Variants in CYTH3 observed in about 807,000 individuals in gnomAD.
CYTH3 encodes the protein cytohesin 3.
Under a neutral mutation model 55.1 loss-of-function variants are expected in CYTH3, and 23 were observed. The observed-to-expected ratio is 0.42, with a 90% confidence interval of 0.30 to 0.59. CYTH3 has a LOEUF of 0.59. Ranked by LOEUF, CYTH3 falls within the 20% of genes least tolerant of loss-of-function variation. The pLI, the probability that CYTH3 is intolerant of heterozygous loss-of-function variation, is 0.20. For synonymous variants in CYTH3, 249 were observed against 194.9 expected, an observed-to-expected ratio of 1.28 and a Z score of -2.31; for missense variants, 413 against 524.8, an observed-to-expected ratio of 0.79 and a Z score of 2.08.
chr7:6,236,211 AT>A (rs796451568), intron 1 of CYTH3, among the ~76,000 whole-genome samples: 1 of 151,096 alleles, frequency 6.6e-6, no homozygotes, highest in Non-Finnish European at 1.5e-5. Context: ...CCCCCCCCTT[AT>A]TTTTTTTGTG....
rs570966216 is a variant in CYTH3 at position 6,223,268 on chromosome 7, C to T, written c.35-32737G>A. Among the ~76,000 whole-genome samples, 10 of 152,070 alleles carry T rather than the reference C, an allele frequency of 6.6e-5. No individual in the cohort carries two copies. The South Asian group carries it at 2.1e-3, about 32-fold the overall frequency. On this transcript the variant is annotated intron_variant, in intron 1 of 12. Coordinates refer to ENST00000350796, the MANE Select transcript of CYTH3 (RefSeq NM_004227.4). ...GAGGAGCGCCTGTGCCAGGCCGCCC[C>T]GTCTGGGAAGTGAGGAGCGCCTCTG...
chr7:6,218,129 G>C (rs747876452), intron 1 of CYTH3, among the ~76,000 whole-genome samples: 1 of 151,236 alleles, frequency 6.6e-6, no homozygotes, highest in South Asian at 2.1e-4. Flanking sequence ...GCAGTGAGCC[G>C]AGATCACACC....
intron 1 of CYTH3, among the ~76,000 whole-genome samples, chr7:6,262,841 C>T (rs1780385406): frequency 6.6e-6 from 1 of 152,146 alleles, no homozygotes; most frequent in Non-Finnish European, 1.5e-5. Flanking sequence ...ACTGCTTGAG[C>T]CCAGGAGTTC....
chr7:6,215,338 C>G (rs901805303), intron 1 of CYTH3, among the ~76,000 whole-genome samples: 1 of 152,154 alleles, frequency 6.6e-6, no homozygotes, highest in South Asian at 2.1e-4. Context: ...CGCCTGTAAT[C>G]CCAGAACTTT....
At position 6,171,396 on chromosome 7, in the gene CYTH3, G is replaced by A. The variant is rs761442701; in HGVS notation, c.450-82C>T. 4.4e-6 allele frequency: 6 copies of A among 1,364,088 alleles called. No homozygotes were observed. The highest frequency in any genetic ancestry group is 6.2e-6 in the Non-Finnish European group (6 of 966,154). The allele number at this position is 1,364,088 out of a possible 1,614,324, so 84.5% of individuals were successfully genotyped here. A position where few individuals can be genotyped will look rare whatever the true frequency, so the allele number is the denominator to read the frequency against. On this transcript the variant is annotated intron_variant, in intron 6 of 12. Coordinates refer to ENST00000350796, the MANE Select transcript of CYTH3 (RefSeq NM_004227.4). The surrounding 1 kb of genome is among the most constrained non-coding windows in gnomAD (Gnocchi z 6.7). ...CAAGGGCGGCTTCTGCCCAGCTCAG[G>A]AAGGACGTTTTCCTCCCGAGCCTGG...
At chr7:6,256,465 C>G (rs1780108743) in intron 1 of CYTH3, among the ~76,000 whole-genome samples, 1 of 152,176 alleles carries the variant, frequency 6.6e-6, no homozygotes, top group African/African-American at 2.4e-5. Context: ...CAGAACTTAA[C>G]AAGACTTCTG....
chr7:6,227,581 G>T (rs997309948), intron 1 of CYTH3, among the ~76,000 whole-genome samples: 19 of 152,172 alleles, frequency 1.2e-4, no homozygotes, highest in African/African-American at 4.6e-4. Flanking sequence ...AAACGAGGAT[G>T]CCACTATCAG....
intron 1 of CYTH3, among the ~76,000 whole-genome samples, chr7:6,203,355 TCTGA>T (rs1214415674): frequency 6.6e-6 from 1 of 152,194 alleles, no homozygotes; most frequent in Non-Finnish European, 1.5e-5. Flanking sequence ...TAGCTGTGAA[TCTGA>T]CTATTGCTAG....
In CYTH3 at chr7:6,169,186, G is replaced by T. The variant is rs1247203812; in HGVS notation, c.823+1349C>A. On this transcript the variant is annotated intron_variant, in intron 9 of 12. Transcript: ENST00000350796. The surrounding 1 kb of genome is among the most constrained non-coding windows in gnomAD (Gnocchi z 4.1). ...ACTCACACCCTTTCCACCAGCTGAG[G>T]AGGCCTGTGCCCGTCACACCGTGTC... is the stretch of plus-strand genomic sequence containing the variant. Among the ~76,000 whole-genome samples, 2 of 151,146 alleles carry T rather than the reference G, an allele frequency of 1.3e-5. No homozygotes were observed. Among genetic ancestry groups the T allele is most frequent in the Non-Finnish European group, 2.9e-5 (2 of 68,032 alleles).
Position 6,272,544 on chromosome 7 carries a change from G to A in CYTH3, c.-37C>T. The A allele has an allele frequency of 1.5e-6, 2 of 1,296,900 alleles. No homozygotes were observed. The highest frequency in any genetic ancestry group is 1.8e-5 in the South Asian group (1 of 57,138). The allele number at this position is 1,296,900 out of a possible 1,614,324, so 80.3% of individuals were successfully genotyped here. On this transcript the variant is annotated 5_prime_UTR_variant, in exon 1 of 13. Coordinates refer to ENST00000350796, the MANE Select transcript of CYTH3 (RefSeq NM_004227.4). ...TCCCGCAGCCGGCGAGCCGGGGGCCGGCAGCAGAGGGGCCGCGGGCTGGGG... is the reference window on the plus strand; with the variant it reads ...TCCCGCAGCCGGCGAGCCGGGGGCCAGCAGCAGAGGGGCCGCGGGCTGGGG...
intron 1 of CYTH3, among the ~76,000 whole-genome samples, chr7:6,220,220 G>A (rs369551618): frequency 5.9e-5 from 9 of 152,068 alleles, no homozygotes; most frequent in South Asian, 2.1e-4. Context: ...TTTGACAAAG[G>A]TGTAAAAGCG....
chr7:6,243,404 G>T (rs1779722938), intron 1 of CYTH3, among the ~76,000 whole-genome samples: 1 of 152,192 alleles, frequency 6.6e-6, no homozygotes, highest in Non-Finnish European at 1.5e-5. Context: ...TCAAAGCATG[G>T]GTGGGATGGG....
At chr7:6,181,595 A>G (rs115556106) in intron 4 of CYTH3, among the ~76,000 whole-genome samples, 1,721 of 152,312 alleles carry the variant, frequency 0.011, 38 homozygotes, top group African/African-American at 0.039. Flanking sequence ...GTCTATGTGT[A>G]TAAGTCTTTT....
intron 1 of CYTH3, among the ~76,000 whole-genome samples, chr7:6,215,259 T>G (rs543049338): frequency 6.6e-6 from 1 of 152,186 alleles, no homozygotes; most frequent in Non-Finnish European, 1.5e-5. Flanking sequence ...TCAGGGGCAC[T>G]TGATAGTCCC....
rs532556307 is a variant in CYTH3, at chr7:6,237,526, G to A, written c.34+34948C>T. ...AGTTTGAGACCAGTCTGACCAACATGGTGAAACCCCGTCTCTACGAAAAAT... is the reference window on the plus strand; with the variant it reads ...AGTTTGAGACCAGTCTGACCAACATAGTGAAACCCCGTCTCTACGAAAAAT... On this transcript the variant is annotated intron_variant, in intron 1 of 12. Coordinates refer to ENST00000350796, the MANE Select transcript of CYTH3 (RefSeq NM_004227.4). 7.2e-5 allele frequency among the ~76,000 whole-genome samples: 11 copies of A among 152,160 alleles called. 1 individual carries two copies. Among genetic ancestry groups the A allele is most frequent in the East Asian group, 1.9e-4 (1 of 5,180 alleles).
At chr7:6,231,351 A>G (rs2128553625) in intron 1 of CYTH3, among the ~76,000 whole-genome samples, 1 of 152,340 alleles carries the variant, frequency 6.6e-6, no homozygotes, top group African/African-American at 2.4e-5. Flanking sequence ...CTCCTGGGCA[A>G]AGGAAACAGA....
intron 1 of CYTH3, among the ~76,000 whole-genome samples, chr7:6,238,129 A>G (rs1247368467): frequency 6.6e-6 from 1 of 152,250 alleles, no homozygotes; most frequent in Non-Finnish European, 1.5e-5. Flanking sequence ...AAATCCAGGA[A>G]AATGACCACA....
At chr7:6,249,649 T>C (rs1305607836) in intron 1 of CYTH3, among the ~76,000 whole-genome samples, 1 of 152,236 alleles carries the variant, frequency 6.6e-6, no homozygotes, top group East Asian at 1.9e-4. Context: ...TTCCCATTTG[T>C]AGTTTCCTTC....
chr7:6,162,457 C>A lies in CYTH3; in HGVS notation c.*2487G>T, dbSNP rs896724171. 6.7e-6 allele frequency: 1 copy of A among 150,056 alleles called. No homozygotes were observed. Among genetic ancestry groups the A allele is most frequent in the African/African-American group, 2.5e-5 (1 of 40,536 alleles). The allele number at this position is 150,056 out of a possible 1,614,324, so 9.3% of individuals were successfully genotyped here. On this transcript the variant is annotated 3_prime_UTR_variant, in exon 13 of 13. Coordinates refer to ENST00000350796, the MANE Select transcript of CYTH3 (RefSeq NM_004227.4). ...AGGAGGACTGTGATTGTGACGCGGC[C>A]TGCCCAGGGTGAGGGACAAAAAACA...
Sources: allele counts gnomAD v4.1 joint callset (sites outside exome capture counted in the v4.1 genomes callset), GRCh38; gene constraint gnomAD v4.1.1; non-coding constraint Gnocchi (gnomAD v3.1); transcripts MANE v1.5; gene names NCBI Gene and HGNC (gene_info 2026-07-23, HGNC 2026-07-21).